Variants in CSNK2A2IP observed in about 807,000 individuals in gnomAD.
The protein encoded by CSNK2A2IP is casein kinase 2 subunit alpha' interacting protein.
chr3:88,437,945 G>A, the CSNK2A2IP span, among the ~76,000 whole-genome samples: 561 of 151,966 alleles, frequency 3.7e-3, 2 homozygotes, highest in African/African-American at 0.012. Flanking sequence ...CCTAGATTAC[G>A]AAGTAGAAAT....
chr3:88,457,081 A>AT, the CSNK2A2IP span, among the ~76,000 whole-genome samples: 439 of 152,242 alleles, frequency 2.9e-3, 2 homozygotes, highest in African/African-American at 9.9e-3. Context: ...GCATTTTACC[A>AT]TTCTTTTTCT....
the CSNK2A2IP span, among the ~76,000 whole-genome samples, chr3:88,444,644 C>T: frequency 2.6e-5 from 4 of 152,128 alleles, no homozygotes; most frequent in Admixed American, 1.3e-4. Flanking sequence ...TAGTTTAATG[C>T]ATTTGGAAGA....
the CSNK2A2IP span, among the ~76,000 whole-genome samples, chr3:88,349,152 T>A: frequency 6.6e-6 from 1 of 152,018 alleles, no homozygotes; most frequent in Non-Finnish European, 1.5e-5. Flanking sequence ...TTTATTTCAA[T>A]AGTTTTGGGG....
At chr3:88,352,018 T>G in the CSNK2A2IP span, among the ~76,000 whole-genome samples, 2 of 152,142 alleles carry the variant, frequency 1.3e-5, no homozygotes, top group East Asian at 3.9e-4. Flanking sequence ...CATATTGCTT[T>G]TAAAGGAATC....
chr3:88,457,436 C>T, the CSNK2A2IP span, among the ~76,000 whole-genome samples: 3 of 152,100 alleles, frequency 2.0e-5, no homozygotes, highest in South Asian at 6.2e-4. Context: ...TGGCTCACCC[C>T]TGTAATCCCA....
the CSNK2A2IP span, among the ~76,000 whole-genome samples, chr3:88,394,059 T>C: frequency 6.6e-5 from 10 of 152,160 alleles, no homozygotes; most frequent in Non-Finnish European, 1.3e-4. Flanking sequence ...GATATGGTGT[T>C]CTCAGTAGAT....
chr3:88,342,911 G>A, the CSNK2A2IP span, among the ~76,000 whole-genome samples: 1 of 151,936 alleles, frequency 6.6e-6, no homozygotes, highest in Non-Finnish European at 1.5e-5. Flanking sequence ...GGGGCTATGA[G>A]CACTTGCTAT....
At chr3:88,453,736 T>G in the CSNK2A2IP span, among the ~76,000 whole-genome samples, 1 of 152,106 alleles carries the variant, frequency 6.6e-6, no homozygotes, top group African/African-American at 2.4e-5. Flanking sequence ...GTCTATTGAT[T>G]TGTAAGCATT....
chr3:88,436,051 AAGG>A, the CSNK2A2IP span, among the ~76,000 whole-genome samples: 1 of 151,998 alleles, frequency 6.6e-6, no homozygotes. Context: ...ATGCAAGAGA[AAGG>A]AGAAGGGACA....
chr3:88,458,738 A>G, the CSNK2A2IP span, among the ~76,000 whole-genome samples: 1 of 152,186 alleles, frequency 6.6e-6, no homozygotes, highest in African/African-American at 2.4e-5. Context: ...CTTCAGGAAC[A>G]TCCCACACAT....
At chr3:88,357,879 C>T in the CSNK2A2IP span, among the ~76,000 whole-genome samples, 2 of 150,240 alleles carry the variant, frequency 1.3e-5, no homozygotes, top group Non-Finnish European at 3.0e-5. Flanking sequence ...CTCAGCCACC[C>T]AAGTAGCTAA....
chr3:88,415,957 T>C, the CSNK2A2IP span, among the ~76,000 whole-genome samples: 6 of 151,970 alleles, frequency 3.9e-5, no homozygotes, highest in African/African-American at 9.7e-5. Context: ...TTAGCCTCTT[T>C]GTTCTCTAGA....
At chr3:88,437,486 T>C in the CSNK2A2IP span, among the ~76,000 whole-genome samples, 1 of 152,242 alleles carries the variant, frequency 6.6e-6, no homozygotes, top group Non-Finnish European at 1.5e-5. Context: ...ACCTTTATTA[T>C]GATTATAGAC....
At chr3:88,345,717 C>T in the CSNK2A2IP span, among the ~76,000 whole-genome samples, 1 of 151,856 alleles carries the variant, frequency 6.6e-6, no homozygotes, top group African/African-American at 2.4e-5. Flanking sequence ...ACTGGACATT[C>T]CCCCGTCTCT....
At chr3:88,373,603 TAAAA>T in the CSNK2A2IP span, among the ~76,000 whole-genome samples, 2 of 143,674 alleles carry the variant, frequency 1.4e-5, no homozygotes, top group Admixed American at 6.9e-5. Context: ...GTAATGAAAG[TAAAA>T]AAAAAAAAAA....
chr3:88,449,818 G>GAC, the CSNK2A2IP span, among the ~76,000 whole-genome samples: 1 of 61,726 alleles, frequency 1.6e-5, no homozygotes, highest in Non-Finnish European at 3.0e-5. Flanking sequence ...TTTTTATATC[G>GAC]AGACACACAC....
the CSNK2A2IP span, among the ~76,000 whole-genome samples, chr3:88,366,790 C>T: frequency 5.3e-5 from 8 of 152,032 alleles, no homozygotes; most frequent in Non-Finnish European, 8.8e-5. Context: ...CTGAAAAAGA[C>T]GTAACTGAGA....
the CSNK2A2IP span, among the ~76,000 whole-genome samples, chr3:88,452,921 G>A: frequency 2.0e-5 from 3 of 152,112 alleles, no homozygotes; most frequent in South Asian, 2.1e-4. Context: ...ATATCAATTA[G>A]TTTGCATGTT....
At chr3:88,353,114 T>C in the CSNK2A2IP span, among the ~76,000 whole-genome samples, 1 of 152,222 alleles carries the variant, frequency 6.6e-6, no homozygotes, top group Non-Finnish European at 1.5e-5. Context: ...GTATCATACT[T>C]CTTTTTTTAG....
Sources: allele counts gnomAD v4.1 joint callset (sites outside exome capture counted in the v4.1 genomes callset), GRCh38; gene constraint gnomAD v4.1.1; transcripts MANE v1.5; gene names NCBI Gene and HGNC (gene_info 2026-07-23, HGNC 2026-07-21).